Variants in KMT2C observed in about 807,000 individuals in gnomAD.
The protein encoded by KMT2C is histone-lysine N-methyltransferase 2C.
In KMT2C, 88 loss-of-function variants were observed where a neutral mutation model predicts 507.9. The ratio of observed to expected loss-of-function variants is 0.17; its 90% CI spans 0.15 to 0.21. The LOEUF (loss-of-function observed/expected upper bound fraction) is 0.21. Ranked by LOEUF, KMT2C falls within the 10% of genes least tolerant of loss-of-function variation. The pLI is 1.00. For missense variants in KMT2C, 4,954 were observed against 5,957.8 expected (o/e 0.83, Z 5.55); for synonymous variants, 2,049 against 2,080.8 (o/e 0.98, Z 0.42).
intron 1 of KMT2C, among the ~76,000 whole-genome samples, chr7:152,416,774 G>A (rs949655623): frequency 8.7e-5 from 13 of 150,226 alleles, no homozygotes; most frequent in Admixed American, 4.0e-4. Flanking sequence ...AGATCAAGCC[G>A]GGCACGGTGG....
chr7:152,410,387 G>A (rs1161558127), intron 1 of KMT2C, among the ~76,000 whole-genome samples: 1 of 150,168 alleles, frequency 6.7e-6, no homozygotes, highest in African/African-American at 2.5e-5. Flanking sequence ...ACTCCAGCTT[G>A]GGCGACGGAG....
At chr7:152,377,317 T>C (rs2129245732) in intron 1 of KMT2C, among the ~76,000 whole-genome samples, 1 of 152,404 alleles carries the variant, frequency 6.6e-6, no homozygotes. Flanking sequence ...GACCAGGTCA[T>C]TCGAGGGCTT....
rs1156359840 is a variant in KMT2C at position 152,167,142 on chromosome 7, T to C, written c.9750+4A>G. On this transcript the variant is annotated splice_donor_region_variant and intron_variant, in intron 42 of 58. Transcript: ENST00000262189. ...AGTTTCTATTTTGCAAACCTATTTA[T>C]TACCTGTTCTAGCTGTTTCTGAACC... 6.2e-7 allele frequency: 1 copy of C among 1,610,272 alleles called. No individual in the cohort carries two copies. Among genetic ancestry groups the C allele is most frequent in the South Asian group, 1.1e-5 (1 of 90,906 alleles).
At position 152,187,381 on chromosome 7, in the gene KMT2C, G is replaced by A. The variant is rs1435892915; in HGVS notation, c.4889C>T (p.Ser1630Leu). The A allele has an allele frequency of 1.9e-6, 3 of 1,613,978 alleles. No individual in the cohort carries two copies. The highest frequency in any genetic ancestry group is 2.2e-5 in the South Asian group (2 of 91,072). ...CTTAAGCGTGCTTCTCTGGGCATTC[G>A]ACATTGTGTCATTTTCTCCTTCCAC... ...PTVEGENDTM[S>L]NAQRSTLKWE... The change falls in exon 33 of 59, where the codon TCG becomes TTG. Residue 1630 changes from serine to leucine, a missense_variant. Ser to Leu is a moderately radical substitution (Grantham distance 145). Around this residue, in one of 29 missense-constraint regions of KMT2C, gnomAD observed 195 missense variants for 183.7 expected, o/e 1.06. Coordinates refer to ENST00000262189, the MANE Select transcript of KMT2C (RefSeq NM_170606.3).
chr7:152,376,487 T>C (rs1027159004), intron 1 of KMT2C, among the ~76,000 whole-genome samples: 4 of 152,230 alleles, frequency 2.6e-5, no homozygotes, highest in African/African-American at 9.6e-5. Context: ...AAGCACTATG[T>C]CAGTGAACAT....
intron 6 of KMT2C, among the ~76,000 whole-genome samples, chr7:152,296,585 G>A (rs2096498763): frequency 6.6e-6 from 1 of 151,750 alleles, no homozygotes; most frequent in African/African-American, 2.4e-5. Flanking sequence ...ATGCTTAGAG[G>A]TCCTGCCCAC....
chr7:152,180,685 A>C, intron 36 of KMT2C, 26 bp downstream of exon 36: 1 of 1,519,792 alleles, frequency 6.6e-7, no homozygotes, highest in Non-Finnish European at 9.0e-7. Context: ...AATACATTTA[A>C]AACTGAGAAC....
chr7:152,330,602 T>C lies in KMT2C; in HGVS notation c.388A>G (p.Ser130Gly). The change falls in exon 3 of 59, where the codon AGT (serine) becomes GGT (glycine). Residue 130 changes from serine to glycine, a missense_variant and splice_region_variant. Physicochemically the swap from Ser to Gly is moderately conservative, Grantham distance 56. This residue lies in a region of KMT2C where 233 missense variants were observed against 263.6 expected (regional missense o/e 0.88). Coordinates refer to ENST00000262189, the MANE Select transcript of KMT2C (RefSeq NM_170606.3). ...LVSVGVEAKI[S>G]EQLCAFCYCG... The stretch of plus-strand genomic sequence containing the variant: ...ATCCAGCTGCATTCATTCTCTAACC[T>C]GATTTTGGCTTCTACACCAACAGAG... 2.5e-6 allele frequency: 4 copies of C among 1,613,948 alleles called. No individual in the cohort carries two copies. Among genetic ancestry groups the C allele is most frequent in the Non-Finnish European group, 3.4e-6 (4 of 1,179,832 alleles).
chr7:152,195,830 C>T, intron 28 of KMT2C, 77 bp downstream of exon 28: 1 of 751,144 alleles, frequency 1.3e-6, no homozygotes, highest in African/African-American at 1.8e-5. Flanking sequence ...AGACAAAAGG[C>T]TAAACTTGTT....
intron 25 of KMT2C, among the ~76,000 whole-genome samples, chr7:152,203,289 AC>A (rs1462997128): frequency 6.6e-6 from 1 of 152,018 alleles, no homozygotes; most frequent in Non-Finnish European, 1.5e-5. Context: ...ATAATCGATT[AC>A]AAAGCAAAAA....
chr7:152,249,327 T>G (rs2095525215), intron 13 of KMT2C, among the ~76,000 whole-genome samples: 1 of 148,772 alleles, frequency 6.7e-6, no homozygotes, highest in African/African-American at 2.5e-5. Context: ...CTGGTTTTTT[T>G]TTTTTTTTTT....
At chr7:152,155,492 C>T (rs1217827007) in intron 46 of KMT2C, among the ~76,000 whole-genome samples, 6 of 152,272 alleles carry the variant, frequency 3.9e-5, no homozygotes, top group East Asian at 1.9e-4. Context: ...TCTTCCACGA[C>T]GGCGTTCTCT....
chr7:152,299,803 TTA>T (rs2096550760), intron 6 of KMT2C, among the ~76,000 whole-genome samples: 1 of 151,890 alleles, frequency 6.6e-6, no homozygotes, highest in African/African-American at 2.4e-5. Flanking sequence ...GATTGTCTTC[TTA>T]TATGTTTTTA....
chr7:152,373,296 T>A (rs1448185741), intron 1 of KMT2C, among the ~76,000 whole-genome samples: 6 of 152,228 alleles, frequency 3.9e-5, no homozygotes, highest in African/African-American at 1.4e-4. Context: ...TAGAAATTTG[T>A]TCTATTCACT....
intron 9 of KMT2C, among the ~76,000 whole-genome samples, chr7:152,259,961 C>T (rs564638206): frequency 6.7e-6 from 1 of 148,878 alleles, no homozygotes; most frequent in African/African-American, 2.6e-5. Context: ...AAGGACAAAC[C>T]TTTCAATCCA....
chr7:152,208,034 T>G (rs2094354486), intron 23 of KMT2C, among the ~76,000 whole-genome samples: 1 of 152,186 alleles, frequency 6.6e-6, no homozygotes, highest in Non-Finnish European at 1.5e-5. Flanking sequence ...GACTCACTAT[T>G]AATACAACAT....
chr7:152,399,837 A>G (rs1299142134), intron 1 of KMT2C, among the ~76,000 whole-genome samples: 4 of 152,130 alleles, frequency 2.6e-5, no homozygotes, highest in African/African-American at 9.7e-5. Context: ...TGAAGGAGAA[A>G]TCTCAAACAT....
At chr7:152,357,191 T>C (rs922652846) in intron 2 of KMT2C, among the ~76,000 whole-genome samples, 8 of 150,710 alleles carry the variant, frequency 5.3e-5, no homozygotes, top group Non-Finnish European at 7.4e-5. Flanking sequence ...CACACCACTG[T>C]AGTCCAGCCT....
At chr7:152,160,400 T>A (rs1418710449) in intron 43 of KMT2C, among the ~76,000 whole-genome samples, 1 of 152,032 alleles carries the variant, frequency 6.6e-6, no homozygotes, top group Non-Finnish European at 1.5e-5. Flanking sequence ...GCCCTCCTGG[T>A]GCTCCTCACA....
Sources: allele counts gnomAD v4.1 joint callset (sites outside exome capture counted in the v4.1 genomes callset), GRCh38; gene constraint gnomAD v4.1.1; regional missense constraint gnomAD v4.1.1; transcripts MANE v1.5; gene names NCBI Gene and HGNC (gene_info 2026-07-23, HGNC 2026-07-21).